The following GANAB variants were observed in gnomAD, a reference collection of about 807,000 sequenced individuals.
The protein encoded by GANAB is glucosidase II alpha subunit, also known as neutral alpha-glucosidase AB.
In GANAB, 35 loss-of-function variants were observed where a neutral mutation model predicts 129.9. The observed-to-expected ratio is 0.27, with a 90% CI of 0.21 to 0.36. GANAB has a LOEUF of 0.36. GANAB is among the 10% of genes least tolerant of loss of function. GANAB has a pLI of 1.00. For missense variants in GANAB, 939 were observed against 1,221.0 expected, an observed-to-expected ratio of 0.77 and a Z score of 3.44; for synonymous variants, 482 against 451.8, an observed-to-expected ratio of 1.07 and a Z score of -0.85.
rs200846285 is a variant in GANAB, at chr11:62,626,053, T to C, written c.2725+12A>G. On this transcript the variant is annotated intron_variant, in intron 23 of 23. Transcript: ENST00000356638. Reference sequence around the variant, plus strand: ...TCCTTCCCCCATCCTAGGGGCCAGATTGGTCACTCACCTTTTGTCTGGAGT... The same window carrying C: ...TCCTTCCCCCATCCTAGGGGCCAGACTGGTCACTCACCTTTTGTCTGGAGT... The C allele has an allele frequency of 9.4e-6, 15 of 1,592,224 alleles. No homozygotes were observed. In the African/African-American group the frequency reaches 1.9e-4, roughly 20 times the overall value.
intron 15 of GANAB, 112 bp from the exon 16 acceptor site, chr11:62,629,407 T>C: frequency 1.1e-6 from 1 of 872,388 alleles, no homozygotes; most frequent in Non-Finnish European, 1.9e-6. Flanking sequence ...AAGATGCAGT[T>C]CACAAGAACA....
At chr11:62,639,541 G>A in intron 2 of GANAB, 74 bp from the exon 3 acceptor site, 1 of 1,424,136 alleles carries the variant, frequency 7.0e-7, no homozygotes, top group Admixed American at 1.7e-5. Flanking sequence ...CACCTGCAGT[G>A]TCCTTAGGCA....
At chr11:62,628,723 C>G in intron 17 of GANAB, 46 bp downstream of exon 17, 1 of 1,599,040 alleles carries the variant, frequency 6.3e-7, no homozygotes, top group Non-Finnish European at 8.6e-7. Context: ...CCCTAATACC[C>G]CCAGCCACCT....
rs1316199810 is a variant in GANAB, at chr11:62,629,179, T to A, written c.1936+15A>T. The A allele has an allele frequency of 1.3e-6, 2 of 1,591,846 alleles. No individual in the cohort carries two copies. Among genetic ancestry groups the A allele is most frequent in the Non-Finnish European group, 1.7e-6 (2 of 1,160,198 alleles). ...TTCCCACCAAACCAAGACCCCAAATTCCTCCCTGTCTTACCCCCACAGAAG... is the reference window on the plus strand; with the variant it reads ...TTCCCACCAAACCAAGACCCCAAATACCTCCCTGTCTTACCCCCACAGAAG... On this transcript the variant is annotated intron_variant, in intron 16 of 23. Coordinates refer to ENST00000356638, the MANE Select transcript of GANAB (RefSeq NM_198334.3).
rs200456484 is a variant in GANAB, at chr11:62,627,117, C to T, written c.2253G>A (p.Ala751=). 1.0e-4 allele frequency: 169 copies of T among 1,613,134 alleles called. No homozygotes were observed. The highest frequency in any genetic ancestry group is 1.1e-4 in the East Asian group (5 of 44,892). ...NIDDQYLLGD[A]LLVHPVSDSG... is the part of the protein sequence containing the mutation. ...AGTCTGATACAGGGTGAACCAGCAACGCATCCCCTAAAATATGCCAGAATC... is the reference window on the plus strand; with the variant it reads ...AGTCTGATACAGGGTGAACCAGCAATGCATCCCCTAAAATATGCCAGAATC... The change falls in exon 19 of 24, where the codon GCG becomes GCA. Residue 751 remains alanine (A), a synonymous_variant. Transcript: ENST00000356638.
rs200405645 is a variant in GANAB at position 62,639,712 on chromosome 11, G to A, written c.58C>T (p.Leu20=). 44 of 1,613,630 alleles carry A rather than the reference G, an allele frequency of 2.7e-5. No homozygotes were observed. In the East Asian group the frequency reaches 9.6e-4, roughly 35 times the overall value. ...RRRRSWASLV[L]AFLGVCLGIT... ...CCCAGGCAGACCCCTAAAAAAGCCA[G>A]TACCAAAGACGCCCAAGACCTAAGG... Residue 20 remains leucine (L), a synonymous_variant, in exon 2 of 24, where the codon CTG becomes TTG. Transcript: ENST00000356638.
chr11:62,626,696 G>A lies in GANAB; in HGVS notation c.2398-12C>T, dbSNP rs751405998. ...TGGAACACAGGGATCTAGGGCAAGA[G>A]CAATGCCAGGATGAAGTTGCCCCCT... On this transcript the variant is annotated splice_polypyrimidine_tract_variant and intron_variant, in intron 20 of 23. Transcript: ENST00000356638. 7.7e-6 allele frequency: 12 copies of A among 1,555,946 alleles called. No individual in the cohort carries two copies. The highest frequency in any genetic ancestry group is 1.1e-5 in the Non-Finnish European group (12 of 1,135,284).
At chr11:62,630,567 C>T (rs778859954) in intron 11 of GANAB, 34 bp downstream of exon 11, 2 of 1,611,926 alleles carry the variant, frequency 1.2e-6, no homozygotes, top group Non-Finnish European at 1.7e-6. Flanking sequence ...TCAGCCCTAC[C>T]CTGAGAAGAC....
Position 62,629,685 on chromosome 11 carries a change from C to A in GANAB, c.1738-1G>T. The A allele has an allele frequency of 6.2e-7, 1 of 1,612,362 alleles. No homozygotes were observed. Among genetic ancestry groups the A allele is most frequent in the South Asian group, 1.1e-5 (1 of 90,878 alleles). On this transcript the variant is annotated splice_acceptor_variant, in intron 14 of 23. Coordinates refer to ENST00000356638, the MANE Select transcript of GANAB (RefSeq NM_198334.3). LOFTEE classifies it high-confidence loss of function. ...TCAGCCCATCAGCAGTCGCCATGTG[C>A]TGGGTGAGGAGAGAAGAGACGGGTA... is the stretch of plus-strand genomic sequence containing the variant.
At chr11:62,633,582 G>T in intron 5 of GANAB, 68 bp from the exon 6 acceptor site, 1 of 1,385,248 alleles carries the variant, frequency 7.2e-7, no homozygotes, top group Non-Finnish European at 1.0e-6. Context: ...TGGAAGGAGG[G>T]GTTGGGGAAT....
In GANAB at chr11:62,627,345, C is replaced by A; in HGVS notation, c.2189G>T (p.Trp730Leu). 1 of 1,546,924 alleles carries A rather than the reference C, an allele frequency of 6.5e-7. No homozygotes were observed. The highest frequency in any genetic ancestry group is 1.1e-5 in the South Asian group (1 of 89,684). Residue 730 changes from tryptophan (W) to leucine (L), a missense_variant, in exon 18 of 24, where the codon TGG becomes TTG. Physicochemically the swap from Trp to Leu is moderately conservative, Grantham distance 61. Coordinates refer to ENST00000356638, the MANE Select transcript of GANAB (RefSeq NM_198334.3). Reference sequence around the variant, plus strand: ...AGTCACATCCTGAGGGTACTGCACCCACAGGGGCCTAGGAAGGAAGAAAGA... The same window carrying A: ...AGTCACATCCTGAGGGTACTGCACCAACAGGGGCCTAGGAAGGAAGAAAGA... ...REGIPVMRPL[W>L]VQYPQDVTTF...
chr11:62,642,014 C>G (rs1417301148), intron 1 of GANAB, among the ~76,000 whole-genome samples: 2 of 151,552 alleles, frequency 1.3e-5, no homozygotes, highest in African/African-American at 2.4e-5. Context: ...GGCAAAGAGA[C>G]CAGCCTGGCC....
rs764587893 is a variant in GANAB, at chr11:62,629,961, G to A, written c.1594-4C>T. ...CAAAGAGGTTGGGAGCTGAGCCCTG[G>A]GAACGTGGGCAGAAAATGGGGACAG... is the stretch of plus-strand genomic sequence containing the variant. On this transcript the variant is annotated splice_region_variant and splice_polypyrimidine_tract_variant and intron_variant, in intron 13 of 23. Coordinates refer to ENST00000356638, the MANE Select transcript of GANAB (RefSeq NM_198334.3). The A allele has an allele frequency of 1.2e-6, 2 of 1,613,774 alleles. No individual in the cohort carries two copies.
At chr11:62,639,154 C>T (rs922437709) in intron 3 of GANAB, 44 bp from the exon 4 acceptor site, 1 of 1,607,600 alleles carries the variant, frequency 6.2e-7, no homozygotes, top group Non-Finnish European at 8.5e-7. Context: ...AAATGGGATA[C>T]ACCATGGAAT....
intron 1 of GANAB, among the ~76,000 whole-genome samples, chr11:62,642,117 C>T (rs2134549703): frequency 6.6e-6 from 1 of 152,154 alleles, no homozygotes; most frequent in East Asian, 1.9e-4. Context: ...GAGGCTGAGG[C>T]AGGAGAACTG....
chr11:62,643,690 C>T (rs1032136989), intron 1 of GANAB, among the ~76,000 whole-genome samples: 3 of 152,094 alleles, frequency 2.0e-5, no homozygotes, highest in Admixed American at 6.5e-5. Context: ...GTGGCACATG[C>T]CTATAATCCC....
At chr11:62,631,353 T>C (rs1043646207) in intron 9 of GANAB, among the ~76,000 whole-genome samples, 170 bp from the exon 10 acceptor site, 9 of 151,964 alleles carry the variant, frequency 5.9e-5, no homozygotes, top group East Asian at 1.9e-4. Flanking sequence ...GACCACACTA[T>C]CTAAAGCAGT....
intron 10 of GANAB, 23 bp downstream of exon 10, chr11:62,631,007 A>G (rs1943647084): frequency 6.3e-7 from 1 of 1,587,202 alleles, no homozygotes; most frequent in African/African-American, 1.3e-5. Flanking sequence ...GAGCAGAAGA[A>G]TGAGGCAGGG....
intron 5 of GANAB, 140 bp downstream of exon 5, chr11:62,634,681 A>T: frequency 2.8e-6 from 2 of 724,572 alleles, no homozygotes; most frequent in Non-Finnish European, 4.6e-6. Flanking sequence ...TCTGGTTCCT[A>T]CCCTCCCTGA....
Sources: allele counts gnomAD v4.1 joint callset (sites outside exome capture counted in the v4.1 genomes callset), GRCh38; gene constraint gnomAD v4.1.1; transcripts MANE v1.5; gene names NCBI Gene and HGNC (gene_info 2026-07-23, HGNC 2026-07-21).